Variants in STEAP1 observed in about 807,000 individuals in gnomAD.
STEAP1 encodes the protein STEAP family member 1.
STEAP1 carries 30 observed loss-of-function variants against 34.4 expected under a neutral mutation model. That is an observed-to-expected ratio of 0.87 (90% confidence interval 0.65 to 1.18). STEAP1 has a LOEUF of 1.18. Among genes scored for constraint, STEAP1 ranks in the 50% most tolerant of loss-of-function variants. The probability of loss-of-function intolerance (pLI) is 0.00; values close to 1 mark genes in which losing one functional copy is unlikely to be tolerated. For synonymous variants in STEAP1, 116 were observed against 135.3 expected (o/e 0.86, Z 0.99); for missense variants, 318 against 391.1 (o/e 0.81, Z 1.58).
Position 90,164,614 on chromosome 7 carries a change from T to C in STEAP1, c.900T>C (p.Val300=). The C allele has an allele frequency of 6.2e-7, 1 of 1,613,854 alleles. No homozygotes were observed. Among genetic ancestry groups the C allele is most frequent in the Non-Finnish European group, 8.5e-7 (1 of 1,179,854 alleles). Residue 300 remains valine, a synonymous_variant, in exon 5 of 5, where the codon GTT becomes GTC. Coordinates refer to ENST00000297205, the MANE Select transcript of STEAP1 (RefSeq NM_012449.3). ...TFMIAVFLPI[V]VLIFKSILFL... is the part of the protein sequence containing the mutation. ...TGATAGCTGTTTTCCTTCCAATTGT[T>C]GTCCTGATATTTAAAAGCATACTAT...
intron 1 of STEAP1, among the ~76,000 whole-genome samples, chr7:90,157,848 A>T (rs1794134840): frequency 6.6e-6 from 1 of 152,226 alleles, no homozygotes; most frequent in South Asian, 2.1e-4. Flanking sequence ...TCATGACAGG[A>T]TACATTCTGA....
intron 1 of STEAP1, among the ~76,000 whole-genome samples, chr7:90,156,357 G>A (rs754057445): frequency 3.3e-5 from 5 of 152,074 alleles, no homozygotes; most frequent in African/African-American, 4.8e-5. Flanking sequence ...GCTGGGGTCT[G>A]GTGGGAGGTG....
chr7:90,154,714 T>G (rs1382288429), intron 1 of STEAP1, among the ~76,000 whole-genome samples, 171 bp downstream of exon 1: 1 of 151,960 alleles, frequency 6.6e-6, no homozygotes, highest in Non-Finnish European at 1.5e-5. Context: ...TCTCCGCTTA[T>G]GCGCGGCTCT....
intron 1 of STEAP1, among the ~76,000 whole-genome samples, chr7:90,157,735 C>A (rs184255071): frequency 3.9e-5 from 6 of 152,292 alleles, no homozygotes; most frequent in Non-Finnish European, 8.8e-5. Flanking sequence ...TCCAAGAGTA[C>A]CTCAACAAAG....
chr7:90,159,947 C>G (rs772275320), intron 2 of STEAP1, 75 bp downstream of exon 2: 49 of 1,059,150 alleles, frequency 4.6e-5, no homozygotes, highest in Non-Finnish European at 6.2e-5. Context: ...TTCTGTATCT[C>G]CTAGTGTTAT....
Position 90,155,823 on chromosome 7 carries a change from T to C in STEAP1, c.-32+1280T>C, listed in dbSNP as rs546670017. Among the ~76,000 whole-genome samples, 18 of 152,228 alleles carry C rather than the reference T, an allele frequency of 1.2e-4. No individual in the cohort carries two copies. The South Asian group carries it at 3.5e-3, about 30-fold the overall frequency. On this transcript the variant is annotated intron_variant, in intron 1 of 4. Coordinates refer to ENST00000297205, the MANE Select transcript of STEAP1 (RefSeq NM_012449.3). Reference sequence around the variant, plus strand: ...GGTAACTCTCCAGGGCCACTCTGGTTTTCCACCCAGACTCCGTTTGTAGTG... The same window carrying C: ...GGTAACTCTCCAGGGCCACTCTGGTCTTCCACCCAGACTCCGTTTGTAGTG...
intron 4 of STEAP1, among the ~76,000 whole-genome samples, chr7:90,162,519 G>C (rs1794200470): frequency 6.6e-6 from 1 of 151,932 alleles, no homozygotes; most frequent in Non-Finnish European, 1.5e-5. Context: ...AGTAGAGACA[G>C]GGTTTTCCCA....
chr7:90,158,865 C>A (rs887826186), intron 1 of STEAP1, among the ~76,000 whole-genome samples: 6 of 152,270 alleles, frequency 3.9e-5, no homozygotes, highest in African/African-American at 1.4e-4. Context: ...TTCCTGGAAA[C>A]AGCTTTCCAC....
At chr7:90,160,270 A>C (rs532773090) in intron 2 of STEAP1, among the ~76,000 whole-genome samples, 1 of 152,286 alleles carries the variant, frequency 6.6e-6, no homozygotes, top group East Asian at 1.9e-4. Context: ...TGTCATAGAC[A>C]CAGTGGCAGC....
intron 1 of STEAP1, among the ~76,000 whole-genome samples, chr7:90,158,066 AAGGTAT>A (rs1342789624): frequency 6.6e-6 from 1 of 152,244 alleles, no homozygotes; most frequent in Non-Finnish European, 1.5e-5. Context: ...GAACATAGAA[AAGGTAT>A]AGTAAACATA....
rs146082699 is a variant in STEAP1 at position 90,162,698 on chromosome 7, A to G, written c.762+620A>G. On this transcript the variant is annotated intron_variant, in intron 4 of 4. Coordinates refer to ENST00000297205, the MANE Select transcript of STEAP1 (RefSeq NM_012449.3). ...TCTAATGTGATATTTTAGGAATCCAATATGCATGGTTTATTATTTCTTAAA... is the reference window on the plus strand; with the variant it reads ...TCTAATGTGATATTTTAGGAATCCAGTATGCATGGTTTATTATTTCTTAAA... Among the ~76,000 whole-genome samples the G allele has an allele frequency of 1.4e-4, 22 of 152,236 alleles. No individual in the cohort carries two copies. The East Asian group carries it at 3.9e-3, about 27-fold the overall frequency.
chr7:90,162,006 G>A lies in STEAP1; in HGVS notation c.690G>A (p.Leu230=). ...VSLGIVGLAI[L]ALLAVTSIPS... Reference sequence around the variant, plus strand: ...TGGGAATTGTGGGATTGGCAATACTGGCTCTGTTGGCTGTGACATCTATTC... The same window carrying A: ...TGGGAATTGTGGGATTGGCAATACTAGCTCTGTTGGCTGTGACATCTATTC... The change falls in exon 4 of 5, where the codon CTG becomes CTA. Residue 230 remains leucine (L), a synonymous_variant. Transcript: ENST00000297205. 1.2e-6 allele frequency: 2 copies of A among 1,613,884 alleles called. No individual in the cohort carries two copies. The highest frequency in any genetic ancestry group is 1.7e-6 in the Non-Finnish European group (2 of 1,179,826).
chr7:90,164,217 A>G (rs1198900751), intron 4 of STEAP1, among the ~76,000 whole-genome samples: 2 of 152,168 alleles, frequency 1.3e-5, no homozygotes, highest in Non-Finnish European at 2.9e-5. Context: ...AAGAGTAGAC[A>G]AAGTTTTTGA....
chr7:90,161,895 T>C lies in STEAP1; in HGVS notation c.598-19T>C. The C allele has an allele frequency of 6.3e-7, 1 of 1,581,798 alleles. No individual in the cohort carries two copies. Among genetic ancestry groups the C allele is most frequent in the Non-Finnish European group, 8.6e-7 (1 of 1,167,532 alleles). On this transcript the variant is annotated intron_variant, in intron 3 of 4. Coordinates refer to ENST00000297205, the MANE Select transcript of STEAP1 (RefSeq NM_012449.3). ...AACTGTTGTTTGCATTTCTTCTTTC[T>C]TTATTTACCTTCTGGTAGGTCCAAC... is the stretch of plus-strand genomic sequence containing the variant.
chr7:90,164,463 T>C lies in STEAP1; in HGVS notation c.763-14T>C, dbSNP rs758736905. On this transcript the variant is annotated splice_polypyrimidine_tract_variant and intron_variant, in intron 4 of 4. Coordinates refer to ENST00000297205, the MANE Select transcript of STEAP1 (RefSeq NM_012449.3). ...ATTGAACCAATCTTCACCAATTTTG[T>C]TTTTCTTTTGCAGAGCAAGCTAGGA... is the stretch of plus-strand genomic sequence containing the variant. 25 of 1,590,208 alleles carry C rather than the reference T, an allele frequency of 1.6e-5. No homozygotes were observed. The highest frequency in any genetic ancestry group is 2.1e-5 in the Non-Finnish European group (24 of 1,167,488).
rs750913817 is a variant in STEAP1, at chr7:90,159,863, C to A, written c.75C>A (p.Asp25Glu). 7.2e-6 allele frequency: 11 copies of A among 1,524,606 alleles called. 1 individual carries two copies. In the South Asian group the frequency reaches 9.3e-5, roughly 13 times the overall value. 94.4% of individuals were successfully genotyped at this position (1,524,606 alleles called of 1,614,324 possible). The change falls in exon 2 of 5, where the codon GAC becomes GAA. Residue 25 changes from aspartate (D) to glutamate (E), a missense_variant. Asp to Glu is a conservative substitution (Grantham distance 45). Transcript: ENST00000297205. ...AGCCTAGGAGAAATTTAGAAGAAGA[C>A]GATTATTTGGTAAAATATTAATAAT... ...KMKPRRNLEE[D>E]DYLHKDTGET...
At chr7:90,162,492 C>G (rs1794200203) in intron 4 of STEAP1, among the ~76,000 whole-genome samples, 1 of 151,936 alleles carries the variant, frequency 6.6e-6, no homozygotes, top group Non-Finnish European at 1.5e-5. Flanking sequence ...CCATGTCCAG[C>G]TAATTTTTGT....
At position 90,159,848 on chromosome 7, in the gene STEAP1, A is replaced by T; in HGVS notation, c.60A>T (p.Arg20Ser). 6.4e-7 allele frequency: 1 copy of T among 1,559,176 alleles called. No homozygotes were observed. ...QEELWKMKPR[R>S]NLEEDDYLHK... is the part of the protein sequence containing the mutation. ...AACTTTGGAAAATGAAGCCTAGGAG[A>T]AATTTAGAAGAAGACGATTATTTGG... The change falls in exon 2 of 5, where the codon AGA (arginine) becomes AGT (serine). Residue 20 changes from arginine to serine, a missense_variant. Physicochemically the swap from Arg to Ser is moderately radical, Grantham distance 110. Coordinates refer to ENST00000297205, the MANE Select transcript of STEAP1 (RefSeq NM_012449.3).
intron 1 of STEAP1, 85 bp from the exon 2 acceptor site, chr7:90,159,673 A>C: frequency 1.5e-6 from 1 of 684,276 alleles, no homozygotes; most frequent in Non-Finnish European, 2.1e-6. Flanking sequence ...CTAGTCTTTA[A>C]GTAAGTAAAT....
Sources: gnomAD v4.1 joint callset for allele counts (sites outside exome capture counted in the v4.1 genomes callset) on GRCh38, gnomAD v4.1.1 for gene constraint, MANE v1.5 for transcripts, NCBI Gene and HGNC (gene_info 2026-07-23, HGNC 2026-07-21) for gene names.